Variants in SMCO4 observed in about 807,000 individuals in gnomAD.
The protein encoded by SMCO4 is single-pass membrane and coiled-coil domain-containing protein 4.
A neutral mutation model predicts 3.6 loss-of-function variants in SMCO4; 4 were observed. The ratio of observed to expected loss-of-function variants is 1.11; its 90% CI spans 0.54 to 2.53. The LOEUF (loss-of-function observed/expected upper bound fraction) is 2.53, where lower values mean the gene tolerates loss of function less well. Ranked by LOEUF, SMCO4 falls within the 30% of genes most tolerant of loss-of-function variation. The pLI is 0.02. For synonymous variants in SMCO4, 36 were observed against 35.3 expected, an observed-to-expected ratio of 1.02 and a Z score of -0.07; for missense variants, 70 against 80.8, an observed-to-expected ratio of 0.87 and a Z score of 0.51.
chr11:93,511,483 C>G (rs908304825), intron 1 of SMCO4, among the ~76,000 whole-genome samples: 2 of 152,176 alleles, frequency 1.3e-5, no homozygotes, highest in African/African-American at 4.8e-5. Flanking sequence ...TTTGCACATT[C>G]TCTCCATGTC....
At chr11:93,536,523 T>C (rs889969183) in intron 1 of SMCO4, among the ~76,000 whole-genome samples, 8 of 152,178 alleles carry the variant, frequency 5.3e-5, no homozygotes, top group Middle Eastern at 3.4e-3. Flanking sequence ...AAATATACTA[T>C]GTGAAAAAAG....
At chr11:93,488,972 C>A (rs1948683277) in intron 2 of SMCO4, among the ~76,000 whole-genome samples, 1 of 152,164 alleles carries the variant, frequency 6.6e-6, no homozygotes, top group Non-Finnish European at 1.5e-5. Flanking sequence ...GCCATCTGGT[C>A]TGGCCACATG....
upstream of SMCO4, among the ~76,000 whole-genome samples, chr11:93,546,917 T>G (rs4753469): frequency 1.2e-4 from 18 of 152,288 alleles, no homozygotes; most frequent in South Asian, 3.1e-3. Flanking sequence ...GCTCTTCTCT[T>G]CTTCACAGAA....
intron 1 of SMCO4, among the ~76,000 whole-genome samples, chr11:93,512,511 A>G (rs1948966754): frequency 6.6e-6 from 1 of 152,150 alleles, no homozygotes; most frequent in South Asian, 2.1e-4. Context: ...AGTACCCTAT[A>G]CAGGTATATA....
chr11:93,522,171 A>C (rs1229865314), intron 1 of SMCO4, among the ~76,000 whole-genome samples: 2 of 152,138 alleles, frequency 1.3e-5, no homozygotes, highest in African/African-American at 4.8e-5. Context: ...GGTTAATTGG[A>C]TTTGTATCGC....
At chr11:93,505,414 A>C (rs12796609) in intron 1 of SMCO4, among the ~76,000 whole-genome samples, 18,799 of 152,160 alleles carry the variant, frequency 0.12, 1,429 homozygotes, top group Non-Finnish European at 0.17. Context: ...TACCCAACCT[A>C]GCAGTGTCTA....
chr11:93,483,192 A>T (rs1232379424), intron 2 of SMCO4, among the ~76,000 whole-genome samples: 1 of 152,160 alleles, frequency 6.6e-6, no homozygotes, highest in Non-Finnish European at 1.5e-5. Context: ...AAGTCTGGGA[A>T]GTTGGGAGGC....
chr11:93,519,893 T>A (rs3794002), intron 1 of SMCO4, among the ~76,000 whole-genome samples: 1 of 152,072 alleles, frequency 6.6e-6, no homozygotes, highest in Non-Finnish European at 1.5e-5. Flanking sequence ...TTAACTCCAA[T>A]GCCAGACCTA....
At chr11:93,494,630 CAT>C (rs937007320) in intron 2 of SMCO4, among the ~76,000 whole-genome samples, 4 of 152,222 alleles carry the variant, frequency 2.6e-5, no homozygotes, top group African/African-American at 9.7e-5. Context: ...ACACCAATCA[CAT>C]GTCAGTCACT....
chr11:93,544,033 T>C (rs1166868510), upstream of SMCO4, among the ~76,000 whole-genome samples: 1 of 152,194 alleles, frequency 6.6e-6, no homozygotes, highest in African/African-American at 2.4e-5. Context: ...CACGGCTAAA[T>C]GTTATTCAGG....
At chr11:93,536,484 G>A (rs1281855318) in intron 1 of SMCO4, among the ~76,000 whole-genome samples, 1 of 152,182 alleles carries the variant, frequency 6.6e-6, no homozygotes, top group Non-Finnish European at 1.5e-5. Context: ...AAAGAACAGA[G>A]AAGAGCTACA....
intron 2 of SMCO4, among the ~76,000 whole-genome samples, chr11:93,498,526 A>G (rs1360628537): frequency 1.3e-5 from 2 of 152,166 alleles, no homozygotes; most frequent in African/African-American, 4.8e-5. Context: ...TGCTCCAGTG[A>G]CCACTGGCAT....
intron 1 of SMCO4, among the ~76,000 whole-genome samples, chr11:93,539,487 A>G (rs1949254736): frequency 6.6e-6 from 1 of 152,230 alleles, no homozygotes; most frequent in Non-Finnish European, 1.5e-5. Context: ...AGATTTAGGA[A>G]GATGACATTT....
At position 93,478,749 on chromosome 11, in the gene SMCO4, ACACAT is replaced by A; in HGVS notation, c.*256_*260del. 6.5e-4 allele frequency: 413 copies of A among 632,648 alleles called. No homozygotes were observed. The highest frequency in any genetic ancestry group is 8.0e-4 in the Non-Finnish European group (370 of 464,512). The allele number at this position is 632,648 out of a possible 1,614,324, so 39.2% of individuals were successfully genotyped here. On this transcript the variant is annotated 3_prime_UTR_variant, in exon 3 of 3. Transcript: ENST00000298966. ...CACACACACACACACACACACACAC[ACACAT>A]GCGCGCGCGCTTTGAAGTCTGAAAG...
At chr11:93,521,369 A>G (rs942693842) in intron 1 of SMCO4, among the ~76,000 whole-genome samples, 47 of 152,222 alleles carry the variant, frequency 3.1e-4, no homozygotes, top group African/African-American at 1.1e-3. Context: ...GGCAGCAGAT[A>G]ATGCTTACTA....
chr11:93,511,887 C>A (rs781275463), intron 1 of SMCO4, among the ~76,000 whole-genome samples: 3 of 152,174 alleles, frequency 2.0e-5, no homozygotes, highest in Non-Finnish European at 2.9e-5. Flanking sequence ...GAGGAGATGA[C>A]CCTGGTAATT....
rs550264179 is a variant in SMCO4 at position 93,533,926 on chromosome 11, C to T, written c.-154+9350G>A. Among the ~76,000 whole-genome samples, 14 of 152,188 alleles carry T rather than the reference C, an allele frequency of 9.2e-5. No homozygotes were observed. The East Asian group carries it at 2.7e-3, about 29-fold the overall frequency. On this transcript the variant is annotated intron_variant, in intron 1 of 2. Coordinates refer to ENST00000298966, the MANE Select transcript of SMCO4 (RefSeq NM_020179.3). ...TATTAGCCAGGTGTGGTAGCTCACG[C>T]CTGTAATCCCAACACTTGTGGAGGC...
intron 1 of SMCO4, among the ~76,000 whole-genome samples, chr11:93,532,658 T>G (rs1949174455): frequency 6.6e-6 from 1 of 152,134 alleles, no homozygotes; most frequent in Admixed American, 6.5e-5. Context: ...CACAGGGGAA[T>G]GCCATGAGAC....
chr11:93,516,739 G>A (rs1351628569), intron 1 of SMCO4, among the ~76,000 whole-genome samples: 2 of 151,970 alleles, frequency 1.3e-5, no homozygotes, highest in Middle Eastern at 3.4e-3. Flanking sequence ...GCTGTGAGCC[G>A]AGATCGTGCC....
Sources: allele counts gnomAD v4.1 joint callset (sites outside exome capture counted in the v4.1 genomes callset), GRCh38; gene constraint gnomAD v4.1.1; transcripts MANE v1.5; gene names NCBI Gene and HGNC (gene_info 2026-07-23, HGNC 2026-07-21).